MTHFS: variants seen among roughly 807,000 people sequenced by gnomAD.
MTHFS encodes 5-formyltetrahydrofolate cyclo-ligase.
MTHFS carries 7 observed loss-of-function variants against 12.7 expected under a neutral mutation model. The ratio of observed to expected loss-of-function variants is 0.55; its 90% confidence interval spans 0.31 to 1.03. MTHFS has a LOEUF of 1.03. MTHFS is among the 50% of genes least tolerant of loss of function. MTHFS has a pLI of 0.05. For synonymous variants in MTHFS, 100 were observed against 97.1 expected, an observed-to-expected ratio of 1.03 and a Z score of -0.18; for missense variants, 252 against 258.1, an observed-to-expected ratio of 0.98 and a Z score of 0.16.
chr15:79,881,041 A>G lies in MTHFS; in HGVS notation c.379+8052T>C, dbSNP rs144099941. ...TTCAGAGCAATAAACTAAAAAAAGA[A>G]TTTATTTTTTCTAATTCCAACTTCA... On this transcript the variant is annotated intron_variant, in intron 2 of 2. Transcript: ENST00000258874. Among the ~76,000 whole-genome samples, 479 of 152,328 alleles carry G rather than the reference A, an allele frequency of 3.1e-3. 2 individuals carry two copies. The highest frequency in any genetic ancestry group is 0.011 in the African/African-American group (452 of 41,576).
chr15:79,896,653 A>C, intron 1 of MTHFS: 1 of 816,274 alleles, frequency 1.2e-6, no homozygotes. Flanking sequence ...TTAGCCCCAC[A>C]ACTTTCACTA....
Position 79,889,230 on chromosome 15 carries a change from G to T in MTHFS, c.242C>A (p.Pro81His). Residue 81 changes from proline (P) to histidine (H), a missense_variant, in exon 2 of 3, where the codon CCT becomes CAT. Coordinates refer to ENST00000258874, the MANE Select transcript of MTHFS (RefSeq NM_006441.4). Reference sequence around the variant, plus strand: ...GTGATTGCTCTGGAACCGGTACCGAGGGATGAAGCAGATTTTGCCTCGTTG... The same window carrying T: ...GTGATTGCTCTGGAACCGGTACCGATGGATGAAGCAGATTTTGCCTCGTTG... Reference protein sequence around the residue: ...IFQRGKICFIPRYRFQSNHMD... With the variant: ...IFQRGKICFIHRYRFQSNHMD... 6.2e-7 allele frequency: 1 copy of T among 1,614,150 alleles called. No individual in the cohort carries two copies. The highest frequency in any genetic ancestry group is 1.1e-5 in the South Asian group (1 of 91,084).
rs79276602 is a variant in MTHFS at position 79,871,535 on chromosome 15, A to AT, written c.379+17557dup. Among the ~76,000 whole-genome samples, 136 of 143,492 alleles carry AT rather than the reference A, an allele frequency of 9.5e-4. 1 individual carries two copies. Among genetic ancestry groups the AT allele is most frequent in the African/African-American group, 8.4e-4 (33 of 39,242 alleles). 94.1% of individuals were successfully genotyped at this position (143,492 alleles called of 152,430 possible). A position where few individuals can be genotyped will look rare whatever the true frequency, so the allele number is the denominator to read the frequency against. ...TGAGGGGAGAATTCAAGACAAAGGG[A>AT]TTTTTTTTTTTTTTAGTGTTCAATT... On this transcript the variant is annotated intron_variant, in intron 2 of 2. Transcript: ENST00000258874.
intron 2 of MTHFS, among the ~76,000 whole-genome samples, chr15:79,882,993 G>A (rs2034322036): frequency 6.6e-6 from 1 of 152,196 alleles, no homozygotes; most frequent in Admixed American, 6.5e-5. Context: ...ATTGCTTGAG[G>A]CCAGGAGTTC....
At chr15:79,851,507 A>C (rs550284825) in intron 2 of MTHFS, among the ~76,000 whole-genome samples, 1 of 152,296 alleles carries the variant, frequency 6.6e-6, no homozygotes, top group South Asian at 2.1e-4. Context: ...TCCTGCTTCT[A>C]GAAGAGAAGG....
chr15:79,889,379 T>C (rs1224489406), intron 1 of MTHFS, 25 bp from the exon 2 acceptor site: 9 of 1,605,494 alleles, frequency 5.6e-6, no homozygotes, highest in Non-Finnish European at 7.7e-6. Flanking sequence ...ATGGCAATTA[T>C]ATTTTCCAAG....
In MTHFS at chr15:79,873,555, GA is replaced by G. The variant is rs150648215; in HGVS notation, c.379+15537del. 5.4e-5 allele frequency among the ~76,000 whole-genome samples: 8 copies of G among 148,834 alleles called. No individual in the cohort carries two copies. The South Asian group carries it at 1.1e-3, about 20-fold the overall frequency. On this transcript the variant is annotated intron_variant, in intron 2 of 2. Coordinates refer to ENST00000258874, the MANE Select transcript of MTHFS (RefSeq NM_006441.4). Reference sequence around the variant, plus strand: ...TAAGAAATCAGTGAAAATCCTCTCTGAAAAAAAAAATACTGTATATCAAACA... The same window carrying G: ...TAAGAAATCAGTGAAAATCCTCTCTGAAAAAAAAATACTGTATATCAAACA...
chr15:79,880,972 T>C (rs980770720), intron 2 of MTHFS, among the ~76,000 whole-genome samples: 1 of 152,198 alleles, frequency 6.6e-6, no homozygotes, highest in African/African-American at 2.4e-5. Context: ...AGCTGGGCAT[T>C]CATTTACACA....
intron 2 of MTHFS, among the ~76,000 whole-genome samples, chr15:79,878,582 C>T (rs551070740): frequency 1.3e-5 from 2 of 150,026 alleles, no homozygotes; most frequent in East Asian, 2.0e-4. Context: ...GTATCTCAGG[C>T]CTGCTCAGTT....
At chr15:79,860,588 G>C (rs1260326708) in intron 2 of MTHFS, among the ~76,000 whole-genome samples, 1 of 152,080 alleles carries the variant, frequency 6.6e-6, no homozygotes, top group Non-Finnish European at 1.5e-5. Flanking sequence ...ATTTTAGAAA[G>C]CTTAGTATAT....
chr15:79,873,895 C>T, intron 2 of MTHFS, among the ~76,000 whole-genome samples: 1 of 152,304 alleles, frequency 6.6e-6, no homozygotes, highest in East Asian at 1.9e-4. Context: ...TGTGGCTATA[C>T]TAAAATAAGA....
chr15:79,845,148 A>G lies in MTHFS; in HGVS notation c.*62T>C. ...TCAACTAATTTTTGACAAGGGAAAA[A>G]TACACATACTTTGCTTTACTCTCAT... On this transcript the variant is annotated 3_prime_UTR_variant, in exon 3 of 3. Transcript: ENST00000258874. 1.3e-6 allele frequency: 2 copies of G among 1,582,684 alleles called. No homozygotes were observed. The highest frequency in any genetic ancestry group is 1.4e-5 in the African/African-American group (1 of 74,026).
intron 2 of MTHFS, among the ~76,000 whole-genome samples, chr15:79,851,684 G>T (rs2033719269): frequency 6.6e-6 from 1 of 152,212 alleles, no homozygotes; most frequent in South Asian, 2.1e-4. Context: ...CTGATGCTCA[G>T]AGAGGTCAAA....
Position 79,879,101 on chromosome 15 carries a change from T to A in MTHFS, c.379+9992A>T, listed in dbSNP as rs569088066. On this transcript the variant is annotated intron_variant, in intron 2 of 2. Coordinates refer to ENST00000258874, the MANE Select transcript of MTHFS (RefSeq NM_006441.4). The stretch of plus-strand genomic sequence containing the variant: ...AACTAAAACAGCACATCAAAAAAAA[T>A]TTAACACAAAAAATTTTCATTTTCA... 2.6e-5 allele frequency among the ~76,000 whole-genome samples: 4 copies of A among 151,994 alleles called. No individual in the cohort carries two copies. In the East Asian group the frequency reaches 7.7e-4, roughly 29 times the overall value.
chr15:79,897,167 T>C (rs1216943031), upstream of MTHFS: 3 of 543,272 alleles, frequency 5.5e-6, no homozygotes, highest in Non-Finnish European at 9.0e-6. Context: ...TTACCTCGCC[T>C]CTGGCCCTTG....
At position 79,889,098 on chromosome 15, in the gene MTHFS, G is replaced by A; in HGVS notation, c.374C>T (p.Ser125Phe). The A allele has an allele frequency of 2.5e-6, 4 of 1,614,092 alleles. No homozygotes were observed. Among genetic ancestry groups the A allele is most frequent in the Non-Finnish European group, 3.4e-6 (4 of 1,179,998 alleles). ...CCTAACACCATAATACTCACCTGTG[G>A]ACAAGGCCTCCTCCCGAACATCACC... The part of the protein sequence containing the change: ...GEGDVREEAL[S>F]TGGLDLIFMP... The change falls in exon 2 of 3, where the codon TCC (serine) becomes TTC (phenylalanine). Residue 125 changes from serine (S) to phenylalanine (F), a missense_variant. By Grantham distance (155) the Ser-to-Phe change is radical. Transcript: ENST00000258874.
At chr15:79,862,619 TA>T (rs1198058632) in intron 2 of MTHFS, among the ~76,000 whole-genome samples, 2 of 152,260 alleles carry the variant, frequency 1.3e-5, no homozygotes, top group East Asian at 1.9e-4. Flanking sequence ...AAAGAGGTAT[TA>T]AAAAAACTAT....
intron 1 of MTHFS, 110 bp from the exon 2 acceptor site, chr15:79,889,464 A>AT: frequency 9.7e-6 from 13 of 1,338,448 alleles, no homozygotes; most frequent in African/African-American, 1.5e-5. Context: ...AATATTAAAA[A>AT]GAAAAAAAAA....
At chr15:79,873,371 CA>C (rs1294322648) in intron 2 of MTHFS, among the ~76,000 whole-genome samples, 1 of 152,078 alleles carries the variant, frequency 6.6e-6, no homozygotes, top group Non-Finnish European at 1.5e-5. Flanking sequence ...TGGAAAGAAT[CA>C]AATGAAGCAA....
Sources: gnomAD v4.1 joint callset for allele counts (sites outside exome capture counted in the v4.1 genomes callset) on GRCh38, gnomAD v4.1.1 for gene constraint, MANE v1.5 for transcripts, NCBI Gene and HGNC (gene_info 2026-07-23, HGNC 2026-07-21) for gene names.